The following PDE4D variants were observed in gnomAD, a reference collection of about 807,000 sequenced individuals.
PDE4D encodes phosphodiesterase 4D, also known as 3',5'-cyclic-AMP phosphodiesterase 4D.
PDE4D carries 24 observed loss-of-function variants against 87.4 expected under a neutral mutation model. The ratio of observed to expected loss-of-function variants is 0.27; its 90% CI spans 0.20 to 0.39. The LOEUF (loss-of-function observed/expected upper bound fraction) is 0.39, where lower values mean the gene tolerates loss of function less well. PDE4D is among the 10% of genes least tolerant of loss of function. The pLI is 1.00. For synonymous variants in PDE4D, 384 were observed against 383.2 expected, an observed-to-expected ratio of 1.00 and a Z score of -0.02; for missense variants, 714 against 1,041.0, an observed-to-expected ratio of 0.69 and a Z score of 4.32.
chr5:59,322,173 G>T (rs1774837912), intron 1 of PDE4D, among the ~76,000 whole-genome samples: 1 of 152,084 alleles, frequency 6.6e-6, no homozygotes, highest in African/African-American at 2.4e-5. Context: ...GCCTTAGTTT[G>T]GTTTTTATAA....
chr5:60,456,269 C>T (rs1378154029), intron 1 of PDE4D, among the ~76,000 whole-genome samples: 4 of 152,308 alleles, frequency 2.6e-5, no homozygotes, highest in South Asian at 4.1e-4. Context: ...TCTGCAGAAT[C>T]GTCTCCCCAT....
In PDE4D at chr5:59,247,735, T is replaced by C. The variant is rs115110783; in HGVS notation, c.456-31767A>G. 6.2e-3 allele frequency among the ~76,000 whole-genome samples: 942 copies of C among 152,180 alleles called. 12 individuals carry two copies. The highest frequency in any genetic ancestry group is 0.017 in the Middle Eastern group (5 of 294). On this transcript the variant is annotated intron_variant, in intron 1 of 14. Transcript: ENST00000340635. ...ATCACTTGAACCTCACCTGCTGCTC[T>C]GGCTCCTCCTCCTTGATCTTTACAG...
At chr5:59,865,330 C>T (rs960365068) in intron 1 of PDE4D, among the ~76,000 whole-genome samples, 7 of 152,062 alleles carry the variant, frequency 4.6e-5, no homozygotes, top group African/African-American at 1.2e-4. Flanking sequence ...GGTAATTCTC[C>T]CATGTAGTGT....
At chr5:59,612,262 T>A (rs1279727618) in intron 1 of PDE4D, among the ~76,000 whole-genome samples, 3 of 151,712 alleles carry the variant, frequency 2.0e-5, no homozygotes, top group Non-Finnish European at 2.9e-5. Flanking sequence ...TGTTTTAGAT[T>A]TGGAAAAAAA....
At chr5:59,386,639 T>C (rs1195201474) in intron 1 of PDE4D, among the ~76,000 whole-genome samples, 2 of 131,220 alleles carry the variant, frequency 1.5e-5, no homozygotes, top group East Asian at 5.2e-4. Context: ...AGCAGGACCT[T>C]GTCAAGAAAG....
At chr5:59,074,146 G>A (rs1228739311) in intron 5 of PDE4D, among the ~76,000 whole-genome samples, 2 of 152,130 alleles carry the variant, frequency 1.3e-5, no homozygotes, top group African/African-American at 2.4e-5. Context: ...ATAATTCAAG[G>A]AACGTTTGTT....
intron 1 of PDE4D, among the ~76,000 whole-genome samples, chr5:59,882,404 A>C (rs1232623234): frequency 1.3e-5 from 2 of 152,172 alleles, no homozygotes; most frequent in African/African-American, 4.8e-5. Flanking sequence ...CTTTTACTTT[A>C]TGTTTTAATG....
At chr5:59,953,788 T>A (rs1758543718) in intron 3 of PDE4D, among the ~76,000 whole-genome samples, 1 of 152,214 alleles carries the variant, frequency 6.6e-6, no homozygotes, top group Non-Finnish European at 1.5e-5. Flanking sequence ...CCCATCCAAT[T>A]TAAACTGTAC....
At chr5:60,157,689 T>A (rs770152772) in intron 2 of PDE4D, among the ~76,000 whole-genome samples, 1 of 152,174 alleles carries the variant, frequency 6.6e-6, no homozygotes, top group Non-Finnish European at 1.5e-5. Flanking sequence ...GAAAACTAAC[T>A]TCTTAAACTT....
At chr5:59,865,470 AC>A (rs1467165186) in intron 1 of PDE4D, among the ~76,000 whole-genome samples, 3 of 152,188 alleles carry the variant, frequency 2.0e-5, no homozygotes, top group African/African-American at 7.2e-5. Context: ...TTACTCAGGG[AC>A]CCACTGCCAC....
intron 5 of PDE4D, among the ~76,000 whole-genome samples, chr5:59,154,939 A>T (rs557919345): frequency 6.6e-6 from 1 of 152,332 alleles, no homozygotes; most frequent in African/African-American, 2.4e-5. Context: ...TTCATGATTT[A>T]TAAGTTTCGA....
chr5:59,707,856 T>C (rs985245596), intron 1 of PDE4D, among the ~76,000 whole-genome samples: 7 of 152,194 alleles, frequency 4.6e-5, no homozygotes, highest in African/African-American at 1.2e-4. Context: ...AACCAGTCTA[T>C]CATTGATGGG....
chr5:59,322,076 A>G (rs929849533), intron 1 of PDE4D, among the ~76,000 whole-genome samples: 2 of 152,166 alleles, frequency 1.3e-5, no homozygotes, highest in African/African-American at 4.8e-5. Context: ...TAGCTGTGCA[A>G]TCTTAGGAAA....
intron 1 of PDE4D, among the ~76,000 whole-genome samples, chr5:59,363,472 A>G (rs1782547687): frequency 6.6e-6 from 1 of 152,192 alleles, no homozygotes; most frequent in Non-Finnish European, 1.5e-5. Context: ...ACATGCCTGG[A>G]ATATAAGTAA....
intron 1 of PDE4D, among the ~76,000 whole-genome samples, chr5:60,194,151 GTC>G (rs1436167460): frequency 2.6e-5 from 4 of 151,436 alleles, no homozygotes; most frequent in South Asian, 2.1e-4. Flanking sequence ...GAAAAAAAAT[GTC>G]TGTTATCTTT....
At position 59,118,689 on chromosome 5, in the gene PDE4D, G is replaced by A. The variant is rs545220738; in HGVS notation, c.808+61906C>T. The stretch of plus-strand genomic sequence containing the variant: ...CAGGCACTGAGGGAGTATCCCTGAG[G>A]TTGTTCTCCTCTCTTTGTGTTTAGA... On this transcript the variant is annotated intron_variant, in intron 5 of 14. Coordinates refer to ENST00000340635, the MANE Select transcript of PDE4D (RefSeq NM_001104631.2). Among the ~76,000 whole-genome samples the A allele has an allele frequency of 7.2e-5, 11 of 152,318 alleles. No individual in the cohort carries two copies. In the South Asian group the frequency reaches 1.0e-3, roughly 14 times the overall value.
intron 1 of PDE4D, among the ~76,000 whole-genome samples, chr5:59,578,645 C>T (rs551467449): frequency 1.3e-5 from 2 of 152,168 alleles, no homozygotes; most frequent in East Asian, 3.9e-4. Context: ...TTACTAAGCT[C>T]CTCCACCTGC....
chr5:59,042,140 T>C (rs1759790863), intron 5 of PDE4D, among the ~76,000 whole-genome samples: 1 of 152,226 alleles, frequency 6.6e-6, no homozygotes, highest in Admixed American at 6.5e-5. Context: ...GTTTGCTCTG[T>C]GAAACTGTTG....
chr5:59,116,624 G>A (rs938431196), intron 5 of PDE4D, among the ~76,000 whole-genome samples: 3 of 152,170 alleles, frequency 2.0e-5, no homozygotes, highest in Non-Finnish European at 4.4e-5. Context: ...AGGGTCAAAA[G>A]GAAGATGCTC....
Sources: gnomAD v4.1 joint callset for allele counts (sites outside exome capture counted in the v4.1 genomes callset) on GRCh38, gnomAD v4.1.1 for gene constraint, MANE v1.5 for transcripts, NCBI Gene and HGNC (gene_info 2026-07-23, HGNC 2026-07-21) for gene names.